Variants in CCDC85A observed in about 807,000 individuals in gnomAD.
CCDC85A encodes coiled-coil domain-containing protein 85A.
CCDC85A carries 38 observed loss-of-function variants against 50.2 expected under a neutral mutation model. That is an observed-to-expected ratio of 0.76 (90% CI 0.58 to 0.99). CCDC85A has a LOEUF of 0.99. Ranked by LOEUF, CCDC85A falls within the 50% of genes least tolerant of loss-of-function variation. CCDC85A has a pLI of 0.00. For missense variants in CCDC85A, 820 were observed against 742.0 expected (o/e 1.11, Z -1.22); for synonymous variants, 366 against 301.4 (o/e 1.21, Z -2.22).
At chr2:56,258,349 G>A (rs1383412314) in intron 2 of CCDC85A, among the ~76,000 whole-genome samples, 2 of 152,330 alleles carry the variant, frequency 1.3e-5, no homozygotes, top group East Asian at 3.9e-4. Context: ...AAACCAGGGT[G>A]TAAGAAGTTA....
intron 2 of CCDC85A, among the ~76,000 whole-genome samples, chr2:56,223,380 T>G (rs6719608): frequency 0.84 from 127,423 of 152,108 alleles, 53,431 homozygotes; most frequent in Admixed American, 0.85. Flanking sequence ...GAATGTGCAT[T>G]ACTTGTTCCA....
chr2:56,256,637 T>A (rs568780082), intron 2 of CCDC85A, among the ~76,000 whole-genome samples: 1 of 152,240 alleles, frequency 6.6e-6, no homozygotes. Context: ...AGGCCCTTTT[T>A]ATCCTCATTT....
rs184164808 is a variant in CCDC85A, at chr2:56,380,866, G to A, written c.1573-3400G>A. 2.6e-3 allele frequency among the ~76,000 whole-genome samples: 394 copies of A among 152,190 alleles called. 3 individuals carry two copies. Among genetic ancestry groups the A allele is most frequent in the African/African-American group, 9.1e-3 (378 of 41,532 alleles). On this transcript the variant is annotated intron_variant, in intron 5 of 5. Coordinates refer to ENST00000407595, the MANE Select transcript of CCDC85A (RefSeq NM_001080433.2). ...GAAATCATGGTTAAGCACTGGTCATGTTAAACACTGATTTTAATTGGCTTT... is the reference window on the plus strand; with the variant it reads ...GAAATCATGGTTAAGCACTGGTCATATTAAACACTGATTTTAATTGGCTTT...
At position 56,192,564 on chromosome 2, in the gene CCDC85A, G is replaced by T. The variant is rs576053007; in HGVS notation, c.364G>T (p.Val122Leu). The change falls in exon 2 of 6, where the codon GTG (valine) becomes TTG (leucine). Residue 122 changes from valine to leucine, a missense_variant. Coordinates refer to ENST00000407595, the MANE Select transcript of CCDC85A (RefSeq NM_001080433.2). This position sits in a 1 kb window ranked among gnomAD's most constrained non-coding sequence, Gnocchi z 4.7. ...TGATGACCGGCAGAAAGGCAAGAGGGTGTCTCGGGAGTGGCAGAGACTGGG... is the reference window on the plus strand; with the variant it reads ...TGATGACCGGCAGAAAGGCAAGAGGTTGTCTCGGGAGTGGCAGAGACTGGG... ...LDDDRQKGKR[V>L]SREWQRLGRY... 6.2e-7 allele frequency: 1 copy of T among 1,613,970 alleles called. No homozygotes were observed.
intron 2 of CCDC85A, among the ~76,000 whole-genome samples, chr2:56,226,384 A>G (rs1290252185): frequency 6.6e-6 from 1 of 152,172 alleles, no homozygotes; most frequent in Non-Finnish European, 1.5e-5. Context: ...CACTGAATAT[A>G]TTTTGAATGG....
intron 5 of CCDC85A, chr2:56,383,817 C>T (rs1401319302): frequency 7.9e-6 from 7 of 886,154 alleles, no homozygotes; most frequent in Non-Finnish European, 9.5e-6. Context: ...AATATAGGAA[C>T]CAGGATGATC....
rs1205075094 is a variant in CCDC85A, at chr2:56,193,004, A to G, written c.804A>G (p.Pro268=). The stretch of plus-strand genomic sequence containing the variant: ...AGAAACCCAGAGCCTGTGGAACCCC[A>G]GATCGCCCCAAAGCACTCAAAGGAC... ...HPQKPRACGT[P]DRPKALKGPS... Residue 268 remains proline, a synonymous_variant, in exon 2 of 6, where the codon CCA becomes CCG. Coordinates refer to ENST00000407595, the MANE Select transcript of CCDC85A (RefSeq NM_001080433.2). The G allele has an allele frequency of 1.2e-6, 2 of 1,613,488 alleles. No individual in the cohort carries two copies. The highest frequency in any genetic ancestry group is 2.7e-5 in the African/African-American group (2 of 74,858).
chr2:56,378,076 T>C (rs1188160033), intron 5 of CCDC85A, among the ~76,000 whole-genome samples: 2 of 152,150 alleles, frequency 1.3e-5, no homozygotes, highest in East Asian at 3.9e-4. Flanking sequence ...GACACAGAAA[T>C]ATGTACAAAC....
chr2:56,250,208 T>G (rs1669693062), intron 2 of CCDC85A, among the ~76,000 whole-genome samples: 1 of 152,164 alleles, frequency 6.6e-6, no homozygotes, highest in African/African-American at 2.4e-5. Context: ...GCCTGTTTAA[T>G]TTTTGGTAAG....
chr2:56,266,578 G>A (rs75583486), intron 2 of CCDC85A, among the ~76,000 whole-genome samples: 1,360 of 60,342 alleles, frequency 0.023, 86 homozygotes, highest in Non-Finnish European at 0.034. Flanking sequence ...ACAATAACGC[G>A]CCCCCCCCCC....
chr2:56,315,109 G>A lies in CCDC85A; in HGVS notation c.1241-27770G>A, dbSNP rs180859126. Among the ~76,000 whole-genome samples the A allele has an allele frequency of 2.7e-3, 407 of 152,162 alleles. 1 individual carries two copies. Among genetic ancestry groups the A allele is most frequent in the African/African-American group, 9.4e-3 (391 of 41,538 alleles). On this transcript the variant is annotated intron_variant, in intron 2 of 5. Transcript: ENST00000407595. ...AACCTCCACACAGAGCATTATTTTC[G>A]CCACTGGGAATGTGTTTTCCTCTTT...
chr2:56,323,045 C>A lies in CCDC85A; in HGVS notation c.1241-19834C>A, dbSNP rs140824768. ...CATTATGAGCAAACTGTTGCAAGGA[C>A]AGAAAACCAAATACCGCATGTTCTC... is the stretch of plus-strand genomic sequence containing the variant. On this transcript the variant is annotated intron_variant, in intron 2 of 5. Coordinates refer to ENST00000407595, the MANE Select transcript of CCDC85A (RefSeq NM_001080433.2). Among the ~76,000 whole-genome samples, 654 of 152,132 alleles carry A rather than the reference C, an allele frequency of 4.3e-3. 2 individuals are homozygous for A. The highest frequency in any genetic ancestry group is 6.7e-3 in the Non-Finnish European group (459 of 68,010).
chr2:56,306,377 G>C (rs575302592), intron 2 of CCDC85A, among the ~76,000 whole-genome samples: 28 of 152,172 alleles, frequency 1.8e-4, no homozygotes, highest in African/African-American at 6.5e-4. Context: ...GTCCACCTGC[G>C]TTGGCCTCCC....
In CCDC85A at chr2:56,371,370, A is replaced by G. The variant is rs907996563; in HGVS notation, c.1318-974A>G. ...TGAAAATTGGACCAGTACTATTCAG[A>G]TATAGGCCGCTAACTTCAAAAAAAA... On this transcript the variant is annotated intron_variant, in intron 3 of 5. Transcript: ENST00000407595. Among the ~76,000 whole-genome samples the G allele has an allele frequency of 2.6e-5, 4 of 152,196 alleles. No individual in the cohort carries two copies. The East Asian group carries it at 7.7e-4, about 29-fold the overall frequency.
chr2:56,384,605 A>G lies in CCDC85A; in HGVS notation c.*250A>G. Reference sequence around the variant, plus strand: ...TAGCTTTGAACATCTCAAACAGAGTAGCTTTGAAAATCAACATTTTGGTAC... The same window carrying G: ...TAGCTTTGAACATCTCAAACAGAGTGGCTTTGAAAATCAACATTTTGGTAC... On this transcript the variant is annotated 3_prime_UTR_variant, in exon 6 of 6. Coordinates refer to ENST00000407595, the MANE Select transcript of CCDC85A (RefSeq NM_001080433.2). 1 of 378,194 alleles carries G rather than the reference A, an allele frequency of 2.6e-6. No individual in the cohort carries two copies. The allele number at this position is 378,194 out of a possible 1,614,324, so 23.4% of individuals were successfully genotyped here.
intron 1 of CCDC85A, among the ~76,000 whole-genome samples, chr2:56,189,657 G>T (rs939408827): frequency 1.3e-5 from 2 of 152,110 alleles, no homozygotes; most frequent in African/African-American, 2.4e-5. Context: ...ACTGTGTGAT[G>T]CTGAGGTTTT....
At chr2:56,276,974 GC>G (rs1670976988) in intron 2 of CCDC85A, among the ~76,000 whole-genome samples, 1 of 152,144 alleles carries the variant, frequency 6.6e-6, no homozygotes, top group South Asian at 2.1e-4. Context: ...TTACTACACA[GC>G]CTGAGGAGCA....
chr2:56,355,754 A>G (rs375956348), intron 3 of CCDC85A, among the ~76,000 whole-genome samples: 82 of 152,356 alleles, frequency 5.4e-4, no homozygotes, highest in African/African-American at 1.9e-3. Context: ...TACGGATTAC[A>G]GAGGAAGTGT....
chr2:56,249,651 C>A (rs1669667671), intron 2 of CCDC85A, among the ~76,000 whole-genome samples: 1 of 152,212 alleles, frequency 6.6e-6, no homozygotes, highest in Non-Finnish European at 1.5e-5. Flanking sequence ...TTTCTCTGAG[C>A]CTTCACGAAG....
Sources: gnomAD v4.1 joint callset for allele counts (sites outside exome capture counted in the v4.1 genomes callset) on GRCh38, gnomAD v4.1.1 for gene constraint, Gnocchi (gnomAD v3.1) non-coding constraint, MANE v1.5 for transcripts, NCBI Gene and HGNC (gene_info 2026-07-23, HGNC 2026-07-21) for gene names.